The following TTC39B variants were observed in gnomAD, a reference collection of about 807,000 sequenced individuals.
The protein encoded by TTC39B is tetratricopeptide repeat domain 39B.
Under a neutral mutation model 96.6 loss-of-function variants are expected in TTC39B, and 92 were observed. The ratio of observed to expected loss-of-function variants is 0.95; its 90% CI spans 0.80 to 1.13. The LOEUF is 1.13. Among genes scored for constraint, TTC39B ranks in the 50% most tolerant of loss-of-function variants. The probability of loss-of-function intolerance (pLI) is 0.00; values close to 1 mark genes in which losing one functional copy is unlikely to be tolerated. For missense variants in TTC39B, 955 were observed against 809.3 expected, an observed-to-expected ratio of 1.18 and a Z score of -2.18; for synonymous variants, 367 against 299.4, an observed-to-expected ratio of 1.23 and a Z score of -2.33.
intron 4 of TTC39B, among the ~76,000 whole-genome samples, chr9:15,213,199 G>T (rs776959493): frequency 6.6e-6 from 1 of 152,106 alleles, no homozygotes; most frequent in Admixed American, 6.6e-5. Context: ...CAGACAAAAG[G>T]AGGTAGAGAC....
At chr9:15,197,506 C>T (rs1480782949) in intron 8 of TTC39B, among the ~76,000 whole-genome samples, 1 of 152,048 alleles carries the variant, frequency 6.6e-6, no homozygotes, top group Admixed American at 6.5e-5. Context: ...GTCAGATTAA[C>T]TTTCCCACAA....
intron 16 of TTC39B, 46 bp from the exon 17 acceptor site, chr9:15,182,461 C>A: frequency 7.5e-7 from 1 of 1,336,936 alleles, no homozygotes. Context: ...TGAGGTTATT[C>A]AATGTCCTTT....
rs1160020994 is a variant in TTC39B at position 15,210,484 on chromosome 9, G to T, written c.615-320C>A. Among the ~76,000 whole-genome samples the T allele has an allele frequency of 3.3e-5, 5 of 152,196 alleles. No homozygotes were observed. The South Asian group carries it at 1.0e-3, about 31-fold the overall frequency. ...GTATTTGTGGTAAAATTCTCCACAG[G>T]TTAAAAATGAAGTTAAAGTGCAATA... On this transcript the variant is annotated intron_variant, in intron 5 of 19. Transcript: ENST00000512701.
At chr9:15,257,428 T>C (rs1350286358) in intron 2 of TTC39B, among the ~76,000 whole-genome samples, 9 of 152,022 alleles carry the variant, frequency 5.9e-5, no homozygotes, top group African/African-American at 1.9e-4. Flanking sequence ...TTACTTTCTG[T>C]AGATGTTCAA....
intron 3 of TTC39B, among the ~76,000 whole-genome samples, chr9:15,218,511 C>T (rs894729525): frequency 5.3e-5 from 8 of 152,058 alleles, no homozygotes; most frequent in African/African-American, 1.9e-4. Context: ...CATATTCCTG[C>T]CCTGCTAGAG....
chr9:15,305,936 C>T (rs1184664647), intron 1 of TTC39B, among the ~76,000 whole-genome samples: 1 of 152,038 alleles, frequency 6.6e-6, no homozygotes, highest in African/African-American at 2.4e-5. Flanking sequence ...AGGCTGTAAG[C>T]AAGGGTCTGG....
In TTC39B at chr9:15,306,718, C is replaced by G. The variant is rs1000675928; in HGVS notation, c.240+366G>C. On this transcript the variant is annotated intron_variant, in intron 1 of 19. Coordinates refer to ENST00000512701, the Ensembl canonical transcript of TTC39B. The surrounding 1 kb of genome is among the most constrained non-coding windows in gnomAD (Gnocchi z 5.1). ...AGAGCCAGTGCCAGGACTTCAGGGT[C>G]AGACTTCGTAAAGCCCAGGCGTCGC... 1.3e-5 allele frequency among the ~76,000 whole-genome samples: 2 copies of G among 152,230 alleles called. No individual in the cohort carries two copies. Among genetic ancestry groups the G allele is most frequent in the African/African-American group, 4.8e-5 (2 of 41,468 alleles).
chr9:15,166,763 AT>A (rs1394452696), exon 20 of TTC39B: 1 of 151,652 alleles, frequency 6.6e-6, no homozygotes, highest in Non-Finnish European at 1.5e-5. Context: ...AGGATAAGAA[AT>A]CCTGCATTTC....
intron 1 of TTC39B, among the ~76,000 whole-genome samples, chr9:15,271,936 G>A (rs559095867): frequency 2.6e-5 from 4 of 152,196 alleles, no homozygotes; most frequent in Admixed American, 6.5e-5. Flanking sequence ...ATGGCCAACC[G>A]CTCTCTCCCT....
At chr9:15,210,007 A>G in intron 6 of TTC39B, 81 bp downstream of exon 6, 5 of 984,530 alleles carry the variant, frequency 5.1e-6, no homozygotes, top group Non-Finnish European at 7.9e-6. Context: ...TTTACTTTAT[A>G]TACTTCAGGA....
intron 1 of TTC39B, among the ~76,000 whole-genome samples, chr9:15,300,891 CAAAAAAAAAAAAAAAAAA>C (rs71491658): frequency 2.5e-5 from 2 of 81,166 alleles, no homozygotes; most frequent in African/African-American, 7.7e-5. Context: ...AACTCCGTCT[CAAAAAAAAAAAAAAAAAA>C]AAAAAAAAAC....
intron 9 of TTC39B, among the ~76,000 whole-genome samples, chr9:15,191,774 T>A (rs1564328720): frequency 6.6e-6 from 1 of 152,178 alleles, no homozygotes; most frequent in South Asian, 2.1e-4. Context: ...AATGGCCAGA[T>A]GTGCAATTAT....
chr9:15,188,226 G>C, intron 13 of TTC39B, 94 bp from the exon 14 acceptor site: 1 of 1,296,300 alleles, frequency 7.7e-7, no homozygotes, highest in Non-Finnish European at 1.0e-6. Context: ...GTACAAAAAG[G>C]ACAAAATTAT....
At chr9:15,223,061 C>T (rs1820933533) in intron 3 of TTC39B, among the ~76,000 whole-genome samples, 1 of 152,148 alleles carries the variant, frequency 6.6e-6, no homozygotes, top group South Asian at 2.1e-4. Flanking sequence ...AAGTGATGAA[C>T]ACAAAACTGT....
At chr9:15,166,240 G>T (rs1023439307) in exon 20 of TTC39B, 23 of 152,180 alleles carry the variant, frequency 1.5e-4, no homozygotes, top group African/African-American at 5.5e-4. Flanking sequence ...TATCCAATCT[G>T]TAGGCATTCT....
chr9:15,218,525 T>A (rs1820652858), intron 3 of TTC39B, among the ~76,000 whole-genome samples: 1 of 152,100 alleles, frequency 6.6e-6, no homozygotes. Context: ...GCTAGAGACA[T>A]GCCCGAGTGC....
chr9:15,289,150 C>T (rs371068674), intron 1 of TTC39B, among the ~76,000 whole-genome samples: 4 of 152,190 alleles, frequency 2.6e-5, no homozygotes, highest in Admixed American at 1.3e-4. Context: ...CCCTTGGTTA[C>T]CTGGCTTCAG....
Position 15,203,101 on chromosome 9 carries a change from G to A in TTC39B, c.759+722C>T, listed in dbSNP as rs533502396. Among the ~76,000 whole-genome samples, 9 of 152,232 alleles carry A rather than the reference G, an allele frequency of 5.9e-5. No individual in the cohort carries two copies. In the South Asian group the frequency reaches 1.9e-3, roughly 32 times the overall value. ...GCATGCATAACTGAACTTGACTGAG[G>A]CAAGTGGTGTAACAGGGGACACTTC... is the stretch of plus-strand genomic sequence containing the variant. On this transcript the variant is annotated intron_variant, in intron 7 of 19. Coordinates refer to ENST00000512701, the Ensembl canonical transcript of TTC39B.
chr9:15,165,773 C>G (rs541183295), exon 20 of TTC39B: 2 of 152,194 alleles, frequency 1.3e-5, no homozygotes, highest in Non-Finnish European at 2.9e-5. Flanking sequence ...GAAAACTGCC[C>G]CCATGATTCA....
Sources: allele counts gnomAD v4.1 joint callset (sites outside exome capture counted in the v4.1 genomes callset), GRCh38; gene constraint gnomAD v4.1.1; non-coding constraint Gnocchi (gnomAD v3.1); transcripts MANE v1.5; gene names NCBI Gene and HGNC (gene_info 2026-07-23, HGNC 2026-07-21).